Variants in RAD51B observed in about 807,000 individuals in gnomAD.
The protein encoded by RAD51B is DNA repair protein RAD51 homolog 2.
In RAD51B, 38 loss-of-function variants were observed where a neutral mutation model predicts 42.2. The ratio of observed to expected loss-of-function variants is 0.90; its 90% CI spans 0.70 to 1.18. The LOEUF is 1.18. Ranked by LOEUF, RAD51B falls within the 50% of genes most tolerant of loss-of-function variation. The pLI is 0.00. For synonymous variants in RAD51B, 154 were observed against 145.2 expected, an observed-to-expected ratio of 1.06 and a Z score of -0.43; for missense variants, 373 against 400.7, an observed-to-expected ratio of 0.93 and a Z score of 0.59.
chr14:68,033,225 A>G (rs541944187), intron 7 of RAD51B, among the ~76,000 whole-genome samples: 7 of 152,228 alleles, frequency 4.6e-5, no homozygotes, highest in Admixed American at 1.3e-4. Context: ...AAATCATCCT[A>G]TATAACATGT....
chr14:68,203,124 G>C (rs1278703125), intron 7 of RAD51B, among the ~76,000 whole-genome samples: 1 of 152,134 alleles, frequency 6.6e-6, no homozygotes, highest in African/African-American at 2.4e-5. Flanking sequence ...CTAGAATTGT[G>C]AATCTTTTCC....
rs116683780 is a variant in RAD51B at position 68,426,582 on chromosome 14, C to T, written c.957+15055C>T. Among the ~76,000 whole-genome samples, 480 of 152,150 alleles carry T rather than the reference C, an allele frequency of 3.2e-3. 2 individuals carry two copies. Among genetic ancestry groups the T allele is most frequent in the African/African-American group, 0.011 (456 of 41,490 alleles). On this transcript the variant is annotated intron_variant, in intron 9 of 10. Transcript: ENST00000471583. ...TAAACCATGACATCGAAGAACTGTGCGGCTTCTTTTAACTGCATACAGTAA... is the reference window on the plus strand; with the variant it reads ...TAAACCATGACATCGAAGAACTGTGTGGCTTCTTTTAACTGCATACAGTAA...
At chr14:68,517,656 T>C (rs1886255094) in intron 10 of RAD51B, among the ~76,000 whole-genome samples, 2 of 152,214 alleles carry the variant, frequency 1.3e-5, no homozygotes. Flanking sequence ...ATGTGCTACA[T>C]GCTAAGACGT....
intron 7 of RAD51B, among the ~76,000 whole-genome samples, chr14:68,017,100 A>T (rs1419753261): frequency 2.0e-5 from 3 of 152,186 alleles, no homozygotes; most frequent in East Asian, 1.9e-4. Flanking sequence ...TTTTATAATT[A>T]TAATGAAAAG....
At chr14:68,315,513 A>G (rs2082039064) in intron 8 of RAD51B, among the ~76,000 whole-genome samples, 1 of 152,032 alleles carries the variant, frequency 6.6e-6, no homozygotes, top group Non-Finnish European at 1.5e-5. Context: ...GTAAAACTTT[A>G]GGTTTTTTTT....
Position 68,043,857 on chromosome 14 carries a change from G to A in RAD51B, c.756+156653G>A, listed in dbSNP as rs1338728912. Among the ~76,000 whole-genome samples the A allele has an allele frequency of 4.6e-5, 7 of 152,304 alleles. No homozygotes were observed. In the East Asian group the frequency reaches 1.2e-3, roughly 25 times the overall value. On this transcript the variant is annotated intron_variant, in intron 7 of 10. Transcript: ENST00000471583. ...TGCCAAAGATGGCAAAACCCCTAGA[G>A]GGCTAAAGTTATGTGAAGTGCCATG...
At chr14:68,563,286 A>G (rs1007482389) in intron 10 of RAD51B, 6 of 985,380 alleles carry the variant, frequency 6.1e-6, no homozygotes, top group Non-Finnish European at 7.2e-6. Context: ...GGCCAAGCCG[A>G]GCCTGCAATG....
At chr14:68,203,614 T>TA (rs1279235331) in intron 7 of RAD51B, among the ~76,000 whole-genome samples, 1 of 152,182 alleles carries the variant, frequency 6.6e-6, no homozygotes, top group Non-Finnish European at 1.5e-5. Context: ...GCTCTGAAGC[T>TA]AGGCATTGAC....
chr14:68,176,342 G>C (rs2078962125), intron 7 of RAD51B, among the ~76,000 whole-genome samples: 1 of 152,144 alleles, frequency 6.6e-6, no homozygotes. Flanking sequence ...TCAAACCCAG[G>C]TCCAACTAAT....
At chr14:68,260,318 T>TGTGTGTGGAGGGGGGGG (rs1049368684) in intron 7 of RAD51B, among the ~76,000 whole-genome samples, 4 of 128,044 alleles carry the variant, frequency 3.1e-5, no homozygotes, top group African/African-American at 1.9e-4. Flanking sequence ...TGTGTGTGTG[T>TGTGTGTGGAGGGGGGGG]GGAGAGGGGA....
At chr14:68,552,431 G>A (rs562525482) in intron 10 of RAD51B, among the ~76,000 whole-genome samples, 141 of 152,186 alleles carry the variant, frequency 9.3e-4, no homozygotes, top group Non-Finnish European at 1.5e-5. Flanking sequence ...CCAAACATTT[G>A]CAAAGCCCCT....
chr14:68,301,575 T>G (rs956679834), intron 8 of RAD51B, among the ~76,000 whole-genome samples: 5 of 145,018 alleles, frequency 3.4e-5, no homozygotes, highest in African/African-American at 1.0e-4. Flanking sequence ...AATGTGAGGT[T>G]TTTTTTTTGT....
intron 7 of RAD51B, among the ~76,000 whole-genome samples, chr14:68,205,115 T>C (rs1487569860): frequency 6.6e-6 from 1 of 152,190 alleles, no homozygotes; most frequent in Non-Finnish European, 1.5e-5. Context: ...TGTTGGTGTT[T>C]TCAACTCTTT....
intron 7 of RAD51B, among the ~76,000 whole-genome samples, chr14:68,267,003 C>G (rs1198247635): frequency 2.0e-5 from 3 of 152,146 alleles, no homozygotes; most frequent in Admixed American, 6.5e-5. Flanking sequence ...AATCAGAATT[C>G]TGAATCAGCT....
At position 67,946,926 on chromosome 14, in the gene RAD51B, AG is replaced by A. The variant is rs368402421; in HGVS notation, c.756+59723del. Among the ~76,000 whole-genome samples, 146 of 152,362 alleles carry A rather than the reference AG, an allele frequency of 9.6e-4. 1 individual carries two copies. In the South Asian group the frequency reaches 0.029, roughly 31 times the overall value. ...ACTATGGTTCTAGATAGAAGAATAA[AG>A]AAGTAAAATTAGATTTCTTAATTTG... On this transcript the variant is annotated intron_variant, in intron 7 of 10. Transcript: ENST00000471583.
At chr14:68,326,206 A>C (rs1166734886) in intron 8 of RAD51B, among the ~76,000 whole-genome samples, 1 of 151,284 alleles carries the variant, frequency 6.6e-6, no homozygotes, top group Non-Finnish European at 1.5e-5. Flanking sequence ...ACACCCGGCT[A>C]ATGTTGTATT....
chr14:68,090,261 T>A (rs2077068333), intron 7 of RAD51B, among the ~76,000 whole-genome samples: 1 of 152,200 alleles, frequency 6.6e-6, no homozygotes, highest in Admixed American at 6.5e-5. Flanking sequence ...TTACTATACT[T>A]ATTTTAAAGC....
intron 7 of RAD51B, among the ~76,000 whole-genome samples, chr14:68,169,304 A>G (rs1467686824): frequency 1.3e-5 from 2 of 152,138 alleles, no homozygotes; most frequent in Non-Finnish European, 2.9e-5. Flanking sequence ...TATTCTCCTC[A>G]TACAGCCTGC....
intron 8 of RAD51B, among the ~76,000 whole-genome samples, chr14:68,317,142 A>G (rs1209712745): frequency 2.0e-5 from 3 of 152,216 alleles, no homozygotes; most frequent in Non-Finnish European, 4.4e-5. Flanking sequence ...AACATTTTCC[A>G]TATTTTTGCT....
Sources: allele counts gnomAD v4.1 joint callset (sites outside exome capture counted in the v4.1 genomes callset), GRCh38; gene constraint gnomAD v4.1.1; transcripts MANE v1.5; gene names NCBI Gene and HGNC (gene_info 2026-07-23, HGNC 2026-07-21).